Variants in CTNNAL1 observed in about 807,000 individuals in gnomAD.
CTNNAL1 encodes catenin alpha like 1, also known as alpha-catulin.
A neutral mutation model predicts 93.6 loss-of-function variants in CTNNAL1; 69 were observed. That is an observed-to-expected ratio of 0.74 (90% CI 0.61 to 0.90). The LOEUF (loss-of-function observed/expected upper bound fraction) is 0.90. CTNNAL1 is among the 40% of genes least tolerant of loss of function. The probability of loss-of-function intolerance (pLI) is 0.00; values close to 1 mark genes in which losing one functional copy is unlikely to be tolerated. For synonymous variants in CTNNAL1, 286 were observed against 305.4 expected (o/e 0.94, Z 0.66); for missense variants, 836 against 862.0 (o/e 0.97, Z 0.38).
At chr9:108,997,241 A>T (rs937278957) in intron 2 of CTNNAL1, among the ~76,000 whole-genome samples, 1 of 152,168 alleles carries the variant, frequency 6.6e-6, no homozygotes, top group African/African-American at 2.4e-5. Flanking sequence ...TACCTATTCA[A>T]CCACCTTAAT....
rs1253211717 is a variant in CTNNAL1 at position 108,953,093 on chromosome 9, C to A, written c.1630-599G>T. The stretch of plus-strand genomic sequence containing the variant: ...AGGATTCTGAATTTAATATGTGAAC[C>A]AATGTTCAATGGTTCCCTATTTTTG... On this transcript the variant is annotated intron_variant, in intron 12 of 18. Transcript: ENST00000325551. 2.0e-5 allele frequency among the ~76,000 whole-genome samples: 3 copies of A among 152,178 alleles called. No individual in the cohort carries two copies. The East Asian group carries it at 5.8e-4, about 29-fold the overall frequency.
At chr9:108,952,983 C>T (rs1830604651) in intron 12 of CTNNAL1, among the ~76,000 whole-genome samples, 1 of 152,144 alleles carries the variant, frequency 6.6e-6, no homozygotes, top group East Asian at 1.9e-4. Context: ...CTAATTTGCT[C>T]TTGGAAGGCT....
At position 108,992,783 on chromosome 9, in the gene CTNNAL1, A is replaced by C; in HGVS notation, c.368T>G (p.Leu123Trp). The stretch of plus-strand genomic sequence containing the variant: ...CTGCCCATCAGATTCCAGATGGTTC[A>C]AGTTGGTTATGTCTGTAAGTGCTGC... Reference protein sequence around the residue: ...TIAALTDITNLNHLESDGQIT... With the variant: ...TIAALTDITNWNHLESDGQIT... Residue 123 changes from leucine to tryptophan, a missense_variant, in exon 3 of 19, where the codon TTG becomes TGG. Coordinates refer to ENST00000325551, the MANE Select transcript of CTNNAL1 (RefSeq NM_003798.4). The C allele has an allele frequency of 6.2e-7, 1 of 1,613,620 alleles. No individual in the cohort carries two copies. Among genetic ancestry groups the C allele is most frequent in the Non-Finnish European group, 8.5e-7 (1 of 1,179,822 alleles).
Position 109,004,206 on chromosome 9 carries a change from T to C in CTNNAL1, c.142-4950A>G, listed in dbSNP as rs550163773. ...AGGTGCTTATTTAAGGTCACACAGC[T>C]AATAAGTGCTAGAGTTAGGATTCAG... On this transcript the variant is annotated intron_variant, in intron 1 of 18. Transcript: ENST00000325551. Among the ~76,000 whole-genome samples the C allele has an allele frequency of 1.5e-4, 23 of 152,296 alleles. No individual in the cohort carries two copies. In the East Asian group the frequency reaches 3.7e-3, roughly 24 times the overall value.
intron 8 of CTNNAL1, among the ~76,000 whole-genome samples, chr9:108,974,046 C>T (rs972795118): frequency 2.0e-5 from 3 of 152,236 alleles, no homozygotes; most frequent in Admixed American, 6.5e-5. Context: ...TACGAAACAG[C>T]TCCACAGAGA....
At chr9:108,948,057 T>C in intron 15 of CTNNAL1, 129 bp downstream of exon 15, 1 of 1,057,320 alleles carries the variant, frequency 9.5e-7, no homozygotes, top group East Asian at 2.7e-5. Context: ...TTTCTACTGC[T>C]CTCTGTAATA....
intron 2 of CTNNAL1, among the ~76,000 whole-genome samples, chr9:108,998,388 C>CT (rs201408861): frequency 0.06 from 8,506 of 142,602 alleles, 342 homozygotes; most frequent in South Asian, 0.14. Flanking sequence ...TCTTACCTTG[C>CT]TTTTTTTTTT....
chr9:108,986,049 T>C (rs924441649), intron 4 of CTNNAL1, among the ~76,000 whole-genome samples: 2 of 151,990 alleles, frequency 1.3e-5, no homozygotes, highest in Non-Finnish European at 2.9e-5. Flanking sequence ...TATTATACTT[T>C]AAGTTTTAGG....
intron 4 of CTNNAL1, among the ~76,000 whole-genome samples, chr9:108,985,550 T>C (rs1831579512): frequency 6.6e-6 from 1 of 152,178 alleles, no homozygotes; most frequent in African/African-American, 2.4e-5. Flanking sequence ...CATCCCAATA[T>C]AGATTTAATA....
At chr9:109,007,100 GC>G (rs1410056213) in intron 1 of CTNNAL1, among the ~76,000 whole-genome samples, 2 of 151,898 alleles carry the variant, frequency 1.3e-5, no homozygotes, top group Non-Finnish European at 2.9e-5. Context: ...GATGTAAGGT[GC>G]CTGGGTGCCT....
At chr9:109,009,778 C>T (rs891292491) in intron 1 of CTNNAL1, among the ~76,000 whole-genome samples, 2 of 152,168 alleles carry the variant, frequency 1.3e-5, no homozygotes, top group Admixed American at 1.3e-4. Flanking sequence ...ATAGGGATAA[C>T]TGATATGTCT....
At chr9:108,993,447 A>C (rs1831891882) in intron 2 of CTNNAL1, among the ~76,000 whole-genome samples, 1 of 152,212 alleles carries the variant, frequency 6.6e-6, no homozygotes, top group Non-Finnish European at 1.5e-5. Context: ...TAAACAAAAC[A>C]AAAGCCTCCC....
Position 109,002,750 on chromosome 9 carries a change from G to A in CTNNAL1, c.142-3494C>T, listed in dbSNP as rs113412130. On this transcript the variant is annotated intron_variant, in intron 1 of 18. Transcript: ENST00000325551. ...ATAATCATCAGCACTTTGGGAGGCC[G>A]AGGCAGGCAGATCACCTGAGGTTGG... 3.7e-3 allele frequency among the ~76,000 whole-genome samples: 569 copies of A among 151,922 alleles called. 4 individuals carry two copies. Among genetic ancestry groups the A allele is most frequent in the Non-Finnish European group, 6.5e-3 (444 of 67,988 alleles).
chr9:108,947,111 C>CTT (rs1307403752), intron 15 of CTNNAL1, among the ~76,000 whole-genome samples: 2 of 134,976 alleles, frequency 1.5e-5, no homozygotes, highest in Non-Finnish European at 3.3e-5. Flanking sequence ...ATAGAAATTT[C>CTT]TTTCTTTTTT....
chr9:108,950,496 T>C (rs1303015754), intron 14 of CTNNAL1: 1 of 1,548,330 alleles, frequency 6.5e-7, no homozygotes, highest in African/African-American at 1.4e-5. Context: ...ATTTCTGCCT[T>C]CTTTTTCCAG....
intron 15 of CTNNAL1, among the ~76,000 whole-genome samples, chr9:108,944,329 G>C (rs1265620195): frequency 1.3e-5 from 2 of 152,170 alleles, no homozygotes; most frequent in Non-Finnish European, 2.9e-5. Flanking sequence ...GATTACGCAA[G>C]GGACCTAGAG....
intron 8 of CTNNAL1, among the ~76,000 whole-genome samples, chr9:108,975,595 C>A (rs1206243823): frequency 6.6e-6 from 1 of 152,104 alleles, no homozygotes; most frequent in Non-Finnish European, 1.5e-5. Flanking sequence ...CTAGTTGGAG[C>A]TGGGAAAACA....
intron 9 of CTNNAL1, 98 bp downstream of exon 9, chr9:108,972,577 A>T: frequency 9.6e-7 from 1 of 1,046,094 alleles, no homozygotes; most frequent in Non-Finnish European, 1.4e-6. Flanking sequence ...GAAAATGCTC[A>T]GATAAATTAA....
Position 108,984,386 on chromosome 9 carries a change from A to G in CTNNAL1, c.690T>C (p.Val230=), listed in dbSNP as rs895167529. The G allele has an allele frequency of 1.9e-6, 3 of 1,612,828 alleles. No homozygotes were observed. Among genetic ancestry groups the G allele is most frequent in the Non-Finnish European group, 2.5e-6 (3 of 1,179,060 alleles). Residue 230 remains valine, a synonymous_variant, in exon 5 of 19, where the codon GTT becomes GTC. Transcript: ENST00000325551. The part of the protein sequence containing the change: ...KKAKMAAARA[V]LEKCTMMLLT... ...GAAGCATCATTGTACACTTTTCAAG[A>G]ACTGCCCTAGCTGCTGCCATTTTTG... is the stretch of plus-strand genomic sequence containing the variant.
Sources: gnomAD v4.1 joint callset for allele counts (sites outside exome capture counted in the v4.1 genomes callset) on GRCh38, gnomAD v4.1.1 for gene constraint, MANE v1.5 for transcripts, NCBI Gene and HGNC (gene_info 2026-07-23, HGNC 2026-07-21) for gene names.